Variants in CNTN1 observed in about 807,000 individuals in gnomAD.
CNTN1 encodes the protein contactin 1, also known as contactin-1.
In CNTN1, 38 loss-of-function variants were observed where a neutral mutation model predicts 126.4. The observed-to-expected ratio is 0.30, with a 90% CI of 0.23 to 0.39. CNTN1 has a LOEUF of 0.39. CNTN1 is among the 10% of genes least tolerant of loss of function. The probability of loss-of-function intolerance (pLI) is 1.00; values close to 1 mark genes in which losing one functional copy is unlikely to be tolerated. For missense variants in CNTN1, 1,009 were observed against 1,248.4 expected (o/e 0.81, Z 2.89); for synonymous variants, 413 against 422.6 (o/e 0.98, Z 0.28).
In CNTN1 at chr12:41,064,617, G is replaced by A. The variant is rs569370722; in HGVS notation, c.2981-5342G>A. Among the ~76,000 whole-genome samples the A allele has an allele frequency of 3.9e-5, 6 of 152,256 alleles. 1 individual carries two copies. Among genetic ancestry groups the A allele is most frequent in the African/African-American group, 1.4e-4 (6 of 41,536 alleles). On this transcript the variant is annotated intron_variant, in intron 23 of 23. Transcript: ENST00000551295. ...GTTCCATGGGGTGATAGAGTTGCGG[G>A]AAGTACAGGTGCCAGCATGAAAATA...
At chr12:40,996,873 G>A (rs575618495) in intron 17 of CNTN1, among the ~76,000 whole-genome samples, 31 of 152,290 alleles carry the variant, frequency 2.0e-4, no homozygotes, top group African/African-American at 7.5e-4. Flanking sequence ...AGGGATGTTT[G>A]TCTTGTCGTG....
intron 1 of CNTN1, among the ~76,000 whole-genome samples, chr12:40,738,957 T>G (rs1466609354): frequency 1.3e-5 from 2 of 152,020 alleles, no homozygotes. Context: ...CCTAGCAACT[T>G]CACTTCTAAA....
intron 11 of CNTN1, among the ~76,000 whole-genome samples, chr12:40,938,378 G>GA (rs1172105550): frequency 6.6e-6 from 1 of 152,204 alleles, no homozygotes; most frequent in African/African-American, 2.4e-5. Context: ...GATAGATCCT[G>GA]AAAGCAGGAC....
Position 40,939,498 on chromosome 12 carries a change from A to T in CNTN1, c.1379+13A>T, listed in dbSNP as rs776063000. Reference sequence around the variant, plus strand: ...TCAATAGCAGCAGGTCAGTGCTGAAACTAGAAATCCAATTGCAAAATCTGT... The same window carrying T: ...TCAATAGCAGCAGGTCAGTGCTGAATCTAGAAATCCAATTGCAAAATCTGT... On this transcript the variant is annotated intron_variant, in intron 12 of 23. Transcript: ENST00000551295. 1 of 1,613,516 alleles carries T rather than the reference A, an allele frequency of 6.2e-7. No individual in the cohort carries two copies. Among genetic ancestry groups the T allele is most frequent in the Non-Finnish European group, 8.5e-7 (1 of 1,179,710 alleles).
intron 17 of CNTN1, among the ~76,000 whole-genome samples, chr12:40,997,704 C>T (rs1332609495): frequency 1.3e-5 from 2 of 152,096 alleles, no homozygotes; most frequent in Non-Finnish European, 2.9e-5. Flanking sequence ...GACACATTTG[C>T]CTTTCCTATT....
In CNTN1 at chr12:40,729,230, G is replaced by A. The variant is rs78599507; in HGVS notation, c.-77+36638G>A. 1,251 of 184,858 alleles carry A rather than the reference G, an allele frequency of 6.8e-3. 18 individuals carry two copies. Among genetic ancestry groups the A allele is most frequent in the African/African-American group, 0.028 (1,195 of 42,718 alleles). 11.5% of individuals were successfully genotyped at this position (184,858 alleles called of 1,614,324 possible). On this transcript the variant is annotated intron_variant, in intron 1 of 23. Transcript: ENST00000551295. ...AAGGGATGCGACTTGTATCTAAGCT[G>A]CTAGAGAAGTGTTGAATATTGCTGC...
At chr12:40,893,529 A>AGAT (rs1325053323) in intron 1 of CNTN1, among the ~76,000 whole-genome samples, 1 of 152,098 alleles carries the variant, frequency 6.6e-6, no homozygotes, top group East Asian at 1.9e-4. Context: ...CAGGAACTTT[A>AGAT]GATCACAAGT....
intron 1 of CNTN1, among the ~76,000 whole-genome samples, chr12:40,776,894 A>G (rs530966808): frequency 2.0e-5 from 3 of 151,450 alleles, no homozygotes; most frequent in East Asian, 3.9e-4. Context: ...CATGTTATAT[A>G]TTTTCTCTGG....
intron 1 of CNTN1, among the ~76,000 whole-genome samples, chr12:40,904,600 T>G (rs1224406301): frequency 1.3e-5 from 2 of 151,988 alleles, no homozygotes; most frequent in African/African-American, 4.8e-5. Context: ...AGCTAATTTT[T>G]TGTATTTTTA....
rs73273542 is a variant in CNTN1, at chr12:40,824,141, G to A, written c.-76-84216G>A. ...GAATAGCATCAAACATCTTAACAGC[G>A]TTGAAATTGTCCTATATAATCAATA... On this transcript the variant is annotated intron_variant, in intron 1 of 23. Coordinates refer to ENST00000551295, the MANE Select transcript of CNTN1 (RefSeq NM_001843.4). 6.8e-3 allele frequency among the ~76,000 whole-genome samples: 1,027 copies of A among 152,012 alleles called. 10 individuals are homozygous for A. Among genetic ancestry groups the A allele is most frequent in the African/African-American group, 0.022 (912 of 41,468 alleles).
chr12:40,698,526 A>G (rs1004703612), intron 1 of CNTN1, among the ~76,000 whole-genome samples: 2 of 152,016 alleles, frequency 1.3e-5, no homozygotes, highest in African/African-American at 4.8e-5. Flanking sequence ...GTGAGCCACC[A>G]TGACCGGCCA....
At chr12:40,705,712 T>C (rs1444608067) in intron 1 of CNTN1, among the ~76,000 whole-genome samples, 1 of 152,168 alleles carries the variant, frequency 6.6e-6, no homozygotes, top group East Asian at 1.9e-4. Context: ...TACCTGAGAC[T>C]GGGTAATTTA....
intron 1 of CNTN1, among the ~76,000 whole-genome samples, chr12:40,786,838 A>G (rs1347786965): frequency 1.3e-5 from 2 of 152,160 alleles, no homozygotes; most frequent in Admixed American, 6.5e-5. Context: ...CTCTCTGTCA[A>G]TACCTTCCAT....
intron 23 of CNTN1, among the ~76,000 whole-genome samples, chr12:41,042,174 C>T (rs1245871688): frequency 1.3e-5 from 2 of 151,944 alleles, no homozygotes; most frequent in African/African-American, 4.8e-5. Context: ...TCGTTATGTA[C>T]CCAGTAGTCA....
intron 23 of CNTN1, among the ~76,000 whole-genome samples, chr12:41,030,267 C>T (rs1406103667): frequency 1.3e-5 from 2 of 151,770 alleles, no homozygotes; most frequent in East Asian, 1.9e-4. Flanking sequence ...AACAAAAAAT[C>T]CTTTACCACA....
intron 4 of CNTN1, among the ~76,000 whole-genome samples, chr12:40,919,804 G>GAA (rs1048807733): frequency 1.9e-4 from 29 of 152,110 alleles, no homozygotes; most frequent in African/African-American, 6.7e-4. Flanking sequence ...TTCATACATG[G>GAA]AAATATGATA....
intron 1 of CNTN1, among the ~76,000 whole-genome samples, chr12:40,725,960 G>A: frequency 6.6e-6 from 1 of 151,130 alleles, no homozygotes; most frequent in Admixed American, 6.6e-5. Context: ...AAATAGTGAG[G>A]AAAAAAATGT....
chr12:41,033,457 C>T lies in CNTN1; in HGVS notation c.2980+4238C>T, dbSNP rs111875747. ...ATAAATAAATATCCTCAGAGAAGCA[C>T]ATATTTAATTATTTGTAGTGAGCAT... is the stretch of plus-strand genomic sequence containing the variant. On this transcript the variant is annotated intron_variant, in intron 23 of 23. Coordinates refer to ENST00000551295, the MANE Select transcript of CNTN1 (RefSeq NM_001843.4). Among the ~76,000 whole-genome samples the T allele has an allele frequency of 8.7e-3, 1,327 of 152,114 alleles. 20 individuals carry two copies. Among genetic ancestry groups the T allele is most frequent in the African/African-American group, 0.03 (1,232 of 41,488 alleles).
At chr12:40,708,700 T>G (rs1460899348) in intron 1 of CNTN1, among the ~76,000 whole-genome samples, 1 of 152,244 alleles carries the variant, frequency 6.6e-6, no homozygotes, top group Non-Finnish European at 1.5e-5. Flanking sequence ...ACTGAATTTA[T>G]GTAGTATTCT....
Sources: allele counts gnomAD v4.1 joint callset (sites outside exome capture counted in the v4.1 genomes callset), GRCh38; gene constraint gnomAD v4.1.1; transcripts MANE v1.5; gene names NCBI Gene and HGNC (gene_info 2026-07-23, HGNC 2026-07-21).